The following ASPA variants were observed in gnomAD, a reference collection of about 807,000 sequenced individuals.
The protein encoded by ASPA is aspartoacylase.
A neutral mutation model predicts 29.6 loss-of-function variants in ASPA; 25 were observed. The observed-to-expected ratio is 0.85, with a 90% CI of 0.62 to 1.18. The LOEUF (loss-of-function observed/expected upper bound fraction) is 1.18. ASPA is among the 50% of genes most tolerant of loss of function. The pLI, the probability that ASPA is intolerant of heterozygous loss-of-function variation, is 0.00. For synonymous variants in ASPA, 131 were observed against 130.3 expected (o/e 1.01, Z -0.04); for missense variants, 333 against 385.7 (o/e 0.86, Z 1.14).
chr17:3,493,443 C>G (rs1305142011), intron 4 of ASPA, among the ~76,000 whole-genome samples: 2 of 151,586 alleles, frequency 1.3e-5, no homozygotes, highest in African/African-American at 4.9e-5. Flanking sequence ...TGCCCATAGT[C>G]CCAGCTACTC....
At chr17:3,481,076 T>C (rs1369756052) in intron 1 of ASPA, among the ~76,000 whole-genome samples, 2 of 151,796 alleles carry the variant, frequency 1.3e-5, no homozygotes, top group African/African-American at 4.8e-5. Context: ...TGATCCATAA[T>C]TGGGCCACTG....
At position 3,485,083 on chromosome 17, in the gene ASPA, A is replaced by G. The variant is rs1288264901; in HGVS notation, c.526+1491A>G. On this transcript the variant is annotated intron_variant, in intron 3 of 5. Coordinates refer to ENST00000263080, the MANE Select transcript of ASPA (RefSeq NM_000049.4). The surrounding 1 kb of genome is among the most constrained non-coding windows in gnomAD (Gnocchi z 4.4). Reference sequence around the variant, plus strand: ...TGCCCAGGCTGAGTGTAGTGGCACGATCACAGTTCACTGCAGCCTTGACCT... The same window carrying G: ...TGCCCAGGCTGAGTGTAGTGGCACGGTCACAGTTCACTGCAGCCTTGACCT... Among the ~76,000 whole-genome samples the G allele has an allele frequency of 6.6e-6, 1 of 152,092 alleles. No individual in the cohort carries two copies. Among genetic ancestry groups the G allele is most frequent in the Non-Finnish European group, 1.5e-5 (1 of 68,024 alleles).
intron 1 of ASPA, among the ~76,000 whole-genome samples, chr17:3,481,173 G>A (rs2073620776): frequency 6.6e-6 from 1 of 152,134 alleles, no homozygotes; most frequent in Non-Finnish European, 1.5e-5. Context: ...GAGCCCCTAA[G>A]TGACTATATT....
chr17:3,486,597 C>T (rs2073726592), intron 3 of ASPA, among the ~76,000 whole-genome samples: 1 of 152,160 alleles, frequency 6.6e-6, no homozygotes, highest in Non-Finnish European at 1.5e-5. Context: ...TTCTCTAGTC[C>T]ATTCTCTTTC....
chr17:3,498,621 A>T (rs2073947939), intron 5 of ASPA, among the ~76,000 whole-genome samples: 1 of 152,206 alleles, frequency 6.6e-6, no homozygotes, highest in Non-Finnish European at 1.5e-5. Flanking sequence ...TGCTGGGATT[A>T]CAGGCAAGGA....
At position 3,490,856 on chromosome 17, in the gene ASPA, C is replaced by T. The variant is rs975790987; in HGVS notation, c.634+1514C>T. On this transcript the variant is annotated intron_variant, in intron 4 of 5. Coordinates refer to ENST00000263080, the MANE Select transcript of ASPA (RefSeq NM_000049.4). This position sits in a 1 kb window ranked among gnomAD's most constrained non-coding sequence, Gnocchi z 4.6. ...GGAGAAAAGCAGTTCCTGGAACACCCCACCCCTTAACCCCTTATCTCTGCT... is the reference window on the plus strand; with the variant it reads ...GGAGAAAAGCAGTTCCTGGAACACCTCACCCCTTAACCCCTTATCTCTGCT... 2.0e-5 allele frequency among the ~76,000 whole-genome samples: 3 copies of T among 152,134 alleles called. No individual in the cohort carries two copies. The South Asian group carries it at 6.2e-4, about 31-fold the overall frequency.
intron 3 of ASPA, 47 bp from the exon 4 acceptor site, chr17:3,489,188 T>G: frequency 8.7e-7 from 1 of 1,146,384 alleles, no homozygotes; most frequent in Admixed American, 1.8e-5. Context: ...TTTTATAATA[T>G]ATTTTCATAC....
At position 3,489,745 on chromosome 17, in the gene ASPA, A is replaced by G. The variant is rs567131990; in HGVS notation, c.634+403A>G. 2.6e-5 allele frequency among the ~76,000 whole-genome samples: 4 copies of G among 152,340 alleles called. No individual in the cohort carries two copies. In the South Asian group the frequency reaches 8.3e-4, roughly 32 times the overall value. ...TGTAGGAAAAGGGGAAACTCTCATTACCTGCTGGTGAACATATAAGTGAAC... is the reference window on the plus strand; with the variant it reads ...TGTAGGAAAAGGGGAAACTCTCATTGCCTGCTGGTGAACATATAAGTGAAC... On this transcript the variant is annotated intron_variant, in intron 4 of 5. Coordinates refer to ENST00000263080, the MANE Select transcript of ASPA (RefSeq NM_000049.4).
chr17:3,503,258 T>G lies in ASPA; in HGVS notation c.*4170T>G, dbSNP rs938205381. On this transcript the variant is annotated 3_prime_UTR_variant, in exon 6 of 6. Transcript: ENST00000263080. ...ATATTATATATTTATACATTTTCAT[T>G]CTTCCAAAGTGAACCCCACTATGCC... The G allele has an allele frequency of 6.6e-6, 1 of 152,198 alleles. No homozygotes were observed. The highest frequency in any genetic ancestry group is 2.4e-5 in the African/African-American group (1 of 41,416). The allele number at this position is 152,198 out of a possible 1,614,324, so 9.4% of individuals were successfully genotyped here. A position where few individuals can be genotyped will look rare whatever the true frequency, so the allele number is the denominator to read the frequency against.
chr17:3,478,172 G>A (rs906341466), intron 1 of ASPA, among the ~76,000 whole-genome samples: 7 of 151,610 alleles, frequency 4.6e-5, no homozygotes, highest in South Asian at 2.1e-4. Flanking sequence ...GTGACAGAGC[G>A]AGACTCCGTC....
chr17:3,484,506 G>T (rs1042308690), intron 3 of ASPA, among the ~76,000 whole-genome samples: 1 of 151,140 alleles, frequency 6.6e-6, no homozygotes, highest in African/African-American at 2.5e-5. Context: ...TTGAGGTTGT[G>T]TATGTGTATG....
Position 3,485,582 on chromosome 17 carries a change from G to C in ASPA, c.526+1990G>C, listed in dbSNP as rs1370967569. Among the ~76,000 whole-genome samples the C allele has an allele frequency of 6.6e-6, 1 of 152,184 alleles. No homozygotes were observed. Among genetic ancestry groups the C allele is most frequent in the Non-Finnish European group, 1.5e-5 (1 of 68,026 alleles). ...ATACATACATTCATGAGCTTGTCCG[G>C]AGTGATCAGATTTGACTGGATCAGA... On this transcript the variant is annotated intron_variant, in intron 3 of 5. Coordinates refer to ENST00000263080, the MANE Select transcript of ASPA (RefSeq NM_000049.4). This position sits in a 1 kb window ranked among gnomAD's most constrained non-coding sequence, Gnocchi z 4.4.
intron 1 of ASPA, among the ~76,000 whole-genome samples, chr17:3,479,079 T>C (rs147031943): frequency 6.6e-6 from 1 of 152,344 alleles, no homozygotes; most frequent in African/African-American, 2.4e-5. Context: ...CATCCTAATA[T>C]GCAAATCTTA....
At chr17:3,477,872 T>C (rs1041718022) in intron 1 of ASPA, among the ~76,000 whole-genome samples, 4 of 152,040 alleles carry the variant, frequency 2.6e-5, no homozygotes, top group African/African-American at 9.7e-5. Context: ...AAGGAGTTGG[T>C]AGACTACTAG....
intron 3 of ASPA, among the ~76,000 whole-genome samples, chr17:3,483,900 C>A (rs979185359): frequency 6.6e-6 from 1 of 152,172 alleles, no homozygotes. Context: ...TCAGGTGATG[C>A]ACCTGCCTCA....
chr17:3,478,552 A>G (rs1335359511), intron 1 of ASPA, among the ~76,000 whole-genome samples: 5 of 152,196 alleles, frequency 3.3e-5, no homozygotes, highest in Admixed American at 3.3e-4. Flanking sequence ...GTTGAAGGAT[A>G]ACTTTTAGTC....
chr17:3,495,851 G>A (rs2073900031), intron 5 of ASPA, among the ~76,000 whole-genome samples: 1 of 152,202 alleles, frequency 6.6e-6, no homozygotes, highest in South Asian at 2.1e-4. Flanking sequence ...ACAGGCATGA[G>A]CCACCTTGCC....
intron 5 of ASPA, among the ~76,000 whole-genome samples, chr17:3,496,659 G>GCTAA (rs1191142237): frequency 6.6e-6 from 1 of 152,228 alleles, no homozygotes; most frequent in Non-Finnish European, 1.5e-5. Flanking sequence ...ACTAAGGGAT[G>GCTAA]CTAACTGGAA....
intron 3 of ASPA, among the ~76,000 whole-genome samples, chr17:3,487,449 A>G (rs1186048127): frequency 1.3e-5 from 2 of 152,204 alleles, no homozygotes; most frequent in African/African-American, 2.4e-5. Context: ...TAAGGGCCAA[A>G]CATATCAGCA....
Sources: allele counts gnomAD v4.1 joint callset (sites outside exome capture counted in the v4.1 genomes callset), GRCh38; gene constraint gnomAD v4.1.1; non-coding constraint Gnocchi (gnomAD v3.1); transcripts MANE v1.5; gene names NCBI Gene and HGNC (gene_info 2026-07-23, HGNC 2026-07-21).